Variants in EHBP1 observed in about 807,000 individuals in gnomAD.
EHBP1 encodes the protein EH domain-binding protein 1.
Under a neutral mutation model 144.0 loss-of-function variants are expected in EHBP1, and 55 were observed. The ratio of observed to expected loss-of-function variants is 0.38; its 90% CI spans 0.31 to 0.48. The LOEUF is 0.48. Ranked by LOEUF, EHBP1 falls within the 20% of genes least tolerant of loss-of-function variation. The pLI is 0.98. For synonymous variants in EHBP1, 469 were observed against 472.7 expected (o/e 0.99, Z 0.10); for missense variants, 1,200 against 1,364.2 (o/e 0.88, Z 1.90).
intron 14 of EHBP1, among the ~76,000 whole-genome samples, chr2:62,959,795 A>G (rs1010954221): frequency 2.6e-5 from 4 of 152,164 alleles, no homozygotes; most frequent in African/African-American, 7.2e-5. Flanking sequence ...TTAAAGGACC[A>G]CTGGTTTACT....
chr2:62,825,700 C>T (rs184310457), intron 5 of EHBP1, among the ~76,000 whole-genome samples: 32 of 151,936 alleles, frequency 2.1e-4, no homozygotes, highest in Middle Eastern at 3.4e-3. Context: ...CATTAGGTTA[C>T]ATTAAATATT....
At chr2:63,024,138 G>A (rs1207693140) in intron 19 of EHBP1, among the ~76,000 whole-genome samples, 2 of 152,112 alleles carry the variant, frequency 1.3e-5, no homozygotes, top group East Asian at 1.9e-4. Context: ...GAGGTCAGGA[G>A]TTCGAGACCA....
At chr2:62,799,498 A>C (rs2043819553) in intron 5 of EHBP1, among the ~76,000 whole-genome samples, 1 of 152,196 alleles carries the variant, frequency 6.6e-6, no homozygotes, top group African/African-American at 2.4e-5. Context: ...TCACCTGCCT[A>C]CCTTCCTGCT....
chr2:62,903,015 C>T (rs566304253), intron 10 of EHBP1, among the ~76,000 whole-genome samples: 1 of 152,234 alleles, frequency 6.6e-6, no homozygotes, highest in South Asian at 2.1e-4. Flanking sequence ...ATTATTAGCT[C>T]ACTTGCTAAG....
intron 2 of EHBP1, among the ~76,000 whole-genome samples, chr2:62,741,489 CTA>C (rs1407300186): frequency 7.2e-5 from 11 of 152,146 alleles, no homozygotes; most frequent in Admixed American, 6.6e-4. Context: ...ATTCTTTACC[CTA>C]TTTCTGAATT....
At chr2:62,701,624 G>T (rs2034284082), upstream of EHBP1, among the ~76,000 whole-genome samples, 1 of 152,172 alleles carries the variant, frequency 6.6e-6, no homozygotes, top group South Asian at 2.1e-4. Context: ...GGATCTTGGG[G>T]TGGGGTATAA....
chr2:62,974,431 A>G (rs2058628203), intron 14 of EHBP1, among the ~76,000 whole-genome samples: 1 of 152,186 alleles, frequency 6.6e-6, no homozygotes, highest in Admixed American at 6.5e-5. Context: ...GAAAATAAAA[A>G]TATCAAATTT....
At chr2:63,038,984 C>G (rs1178465322) in intron 21 of EHBP1, among the ~76,000 whole-genome samples, 168 bp downstream of exon 21, 1 of 151,792 alleles carries the variant, frequency 6.6e-6, no homozygotes, top group Admixed American at 6.6e-5. Flanking sequence ...ACTTAAGGAC[C>G]CTAATTCAGA....
chr2:62,764,346 T>G lies in EHBP1; in HGVS notation c.243T>G (p.Thr81=). The G allele has an allele frequency of 6.3e-7, 1 of 1,577,056 alleles. No homozygotes were observed. Among genetic ancestry groups the G allele is most frequent in the Non-Finnish European group, 8.6e-7 (1 of 1,165,968 alleles). Residue 81 remains threonine, a synonymous_variant, in exon 4 of 23, where the codon ACT becomes ACG. Coordinates refer to ENST00000431489, the MANE Select transcript of EHBP1 (RefSeq NM_001142616.3). ...VWPVPENIEI[T]VTLFKDPHAE... ...CTGTTCCTGAAAACATTGAAATCAC[T>G]GTAACACTTTTTAAGGTAAGTTCCA... is the stretch of plus-strand genomic sequence containing the variant.
chr2:63,033,002 T>C (rs995371971), intron 19 of EHBP1, among the ~76,000 whole-genome samples: 1 of 152,198 alleles, frequency 6.6e-6, no homozygotes, highest in Non-Finnish European at 1.5e-5. Flanking sequence ...GCTGATGCTG[T>C]TTGAGGATAT....
At position 62,712,204 on chromosome 2, in the gene EHBP1, G is replaced by C. The variant is rs360803; in HGVS notation, c.104+4909G>C. On this transcript the variant is annotated intron_variant, in intron 2 of 22. Transcript: ENST00000431489. Reference sequence around the variant, plus strand: ...AACGTTGAACTTAGGTAGAAGCAGGGACCATTCATTGTTACAAGGGGAGAA... The same window carrying C: ...AACGTTGAACTTAGGTAGAAGCAGGCACCATTCATTGTTACAAGGGGAGAA... Among the ~76,000 whole-genome samples, 1,209 of 152,274 alleles carry C rather than the reference G, an allele frequency of 7.9e-3. 5 individuals are homozygous for C. Among genetic ancestry groups the C allele is most frequent in the Non-Finnish European group, 0.013 (883 of 68,018 alleles).
intron 2 of EHBP1, among the ~76,000 whole-genome samples, chr2:62,739,465 G>T (rs1157236522): frequency 1.3e-5 from 2 of 151,204 alleles, no homozygotes; most frequent in Non-Finnish European, 2.9e-5. Context: ...TTGTTTTAGT[G>T]ACATGTGAGG....
intron 5 of EHBP1, among the ~76,000 whole-genome samples, chr2:62,790,476 A>G (rs1181008142): frequency 6.6e-6 from 1 of 152,186 alleles, no homozygotes; most frequent in African/African-American, 2.4e-5. Flanking sequence ...TGGCATGTTT[A>G]AACATTAAAC....
At chr2:62,826,442 T>C (rs1213980674) in intron 6 of EHBP1, 174 bp downstream of exon 6, 1 of 517,666 alleles carries the variant, frequency 1.9e-6, no homozygotes, top group African/African-American at 2.0e-5. Context: ...TAGTCTCTTT[T>C]GACTCCAGAG....
intron 19 of EHBP1, among the ~76,000 whole-genome samples, chr2:63,024,179 A>C (rs550487705): frequency 6.6e-6 from 1 of 152,218 alleles, no homozygotes; most frequent in East Asian, 1.9e-4. Flanking sequence ...CCCCATCTCT[A>C]CTAAAAACAC....
At chr2:62,841,033 A>T (rs1639073604) in intron 7 of EHBP1, among the ~76,000 whole-genome samples, 1 of 152,210 alleles carries the variant, frequency 6.6e-6, no homozygotes, top group Non-Finnish European at 1.5e-5. Flanking sequence ...ATAAAGAGAC[A>T]TGCACACATA....
chr2:63,024,989 C>T (rs1159656760), intron 19 of EHBP1, among the ~76,000 whole-genome samples: 1 of 150,828 alleles, frequency 6.6e-6, no homozygotes, highest in Non-Finnish European at 1.5e-5. Context: ...GAGCGAGATC[C>T]ACTCTGGGAA....
At chr2:62,710,496 C>T (rs72807563) in intron 2 of EHBP1, among the ~76,000 whole-genome samples, 1 of 150,584 alleles carries the variant, frequency 6.6e-6, no homozygotes, top group Non-Finnish European at 1.5e-5. Context: ...TATAAGAATT[C>T]CTTTTCCTTA....
intron 15 of EHBP1, among the ~76,000 whole-genome samples, chr2:62,982,853 A>C (rs2059028814): frequency 6.6e-6 from 1 of 152,154 alleles, no homozygotes. Context: ...AAACTTACTA[A>C]ATTTGAGGTG....
Sources: gnomAD v4.1 joint callset for allele counts (sites outside exome capture counted in the v4.1 genomes callset) on GRCh38, gnomAD v4.1.1 for gene constraint, MANE v1.5 for transcripts, NCBI Gene and HGNC (gene_info 2026-07-23, HGNC 2026-07-21) for gene names.